The following PSMB7 variants were observed in gnomAD, a reference collection of about 807,000 sequenced individuals.
PSMB7 encodes the protein proteasome subunit beta type-7.
Under a neutral mutation model 28.1 loss-of-function variants are expected in PSMB7, and 5 were observed. The ratio of observed to expected loss-of-function variants is 0.18; its 90% CI spans 0.09 to 0.37. The LOEUF is 0.37. PSMB7 is among the 10% of genes least tolerant of loss of function. PSMB7 has a pLI of 1.00. For missense variants in PSMB7, 275 were observed against 346.2 expected, an observed-to-expected ratio of 0.79 and a Z score of 1.63; for synonymous variants, 122 against 123.7, an observed-to-expected ratio of 0.99 and a Z score of 0.09.
chr9:124,382,735 G>A (rs533033665), intron 6 of PSMB7, among the ~76,000 whole-genome samples: 26 of 152,256 alleles, frequency 1.7e-4, no homozygotes, highest in Non-Finnish European at 2.2e-4. Flanking sequence ...CAATTTTATC[G>A]AAAGGATGCT....
chr9:124,374,920 C>G (rs2131153538), intron 6 of PSMB7, among the ~76,000 whole-genome samples: 1 of 152,206 alleles, frequency 6.6e-6, no homozygotes, highest in Admixed American at 6.5e-5. Flanking sequence ...GGCGGCAGAT[C>G]ACCTGAAGTC....
intron 5 of PSMB7, among the ~76,000 whole-genome samples, chr9:124,394,644 G>A (rs1830823504): frequency 6.6e-6 from 1 of 152,154 alleles, no homozygotes; most frequent in African/African-American, 2.4e-5. Context: ...TATAAAAGGT[G>A]TTTAATATTT....
intron 6 of PSMB7, among the ~76,000 whole-genome samples, chr9:124,381,422 T>C (rs1830663283): frequency 6.6e-6 from 1 of 152,246 alleles, no homozygotes; most frequent in Non-Finnish European, 1.5e-5. Context: ...AAAGCAATTC[T>C]CTGTGAGTGA....
chr9:124,378,541 T>G (rs1367662330), intron 6 of PSMB7, among the ~76,000 whole-genome samples: 1 of 152,194 alleles, frequency 6.6e-6, no homozygotes, highest in East Asian at 1.9e-4. Flanking sequence ...CGCACACCAC[T>G]ACCCTTCAGC....
chr9:124,404,526 T>C (rs975774658), intron 5 of PSMB7, among the ~76,000 whole-genome samples: 32 of 152,234 alleles, frequency 2.1e-4, no homozygotes, highest in African/African-American at 6.5e-4. Context: ...CAATTCAGCA[T>C]CCCTAATCCA....
At chr9:124,373,253 A>G (rs964116164) in intron 6 of PSMB7, among the ~76,000 whole-genome samples, 4 of 152,238 alleles carry the variant, frequency 2.6e-5, no homozygotes, top group African/African-American at 9.6e-5. Context: ...GGTTAATAGC[A>G]CTATTAGAAA....
chr9:124,413,051 C>T (rs1311098835), intron 3 of PSMB7, among the ~76,000 whole-genome samples: 1 of 147,802 alleles, frequency 6.8e-6, no homozygotes, highest in African/African-American at 2.5e-5. Flanking sequence ...CATGATGGCT[C>T]ATGCCTGTAA....
At chr9:124,363,357 G>A (rs1830479854) in intron 6 of PSMB7, among the ~76,000 whole-genome samples, 1 of 152,190 alleles carries the variant, frequency 6.6e-6, no homozygotes, top group East Asian at 1.9e-4. Context: ...ATTAATGGTT[G>A]ATGGTTGAAT....
At chr9:124,409,863 A>G (rs1262155627) in intron 4 of PSMB7, among the ~76,000 whole-genome samples, 1 of 152,232 alleles carries the variant, frequency 6.6e-6, no homozygotes, top group Non-Finnish European at 1.5e-5. Flanking sequence ...CATTTTATGT[A>G]ACTCACCAAA....
chr9:124,414,859 C>T lies in PSMB7; in HGVS notation c.139G>A (p.Ala47Thr). The T allele has an allele frequency of 1.2e-6, 2 of 1,614,062 alleles. No homozygotes were observed. The highest frequency in any genetic ancestry group is 1.7e-6 in the Non-Finnish European group (2 of 1,179,964). Residue 47 changes from alanine (A) to threonine (T), a missense_variant, in exon 2 of 8, where the codon GCT (alanine) becomes ACT (threonine). Ala to Thr is a moderately conservative substitution (Grantham distance 58, BLOSUM62 0). This residue lies in a region of PSMB7 where 213 missense variants were observed against 302.4 expected (regional missense o/e 0.70). Coordinates refer to ENST00000259457, the MANE Select transcript of PSMB7 (RefSeq NM_002799.4). ...CGGCTTACCTTATAGACCACCCCAGCGATGGTCGTGCCAGTTTTCCGGACC... is the reference window on the plus strand; with the variant it reads ...CGGCTTACCTTATAGACCACCCCAGTGATGGTCGTGCCAGTTTTCCGGACC... ...PKVRKTGTTIAGVVYKDGIVL... is the reference protein window; with the variant it reads ...PKVRKTGTTITGVVYKDGIVL...
rs562247540 is a variant in PSMB7, at chr9:124,369,502, G to A, written c.571-12587C>T. Among the ~76,000 whole-genome samples the A allele has an allele frequency of 3.3e-5, 5 of 152,284 alleles. No homozygotes were observed. The South Asian group carries it at 8.3e-4, about 25-fold the overall frequency. ...GCAACACAAGCACCTCTAATGGAAC[G>A]TGGCAGCTTTCTAAACTAAATATTC... On this transcript the variant is annotated intron_variant, in intron 6 of 7. Coordinates refer to ENST00000259457, the MANE Select transcript of PSMB7 (RefSeq NM_002799.4).
chr9:124,387,512 C>CTT (rs112073446), intron 5 of PSMB7, among the ~76,000 whole-genome samples: 6,565 of 152,104 alleles, frequency 0.043, 478 homozygotes, highest in African/African-American at 0.15. Flanking sequence ...CTCTCTCTCT[C>CTT]GAGAAATTTT....
At chr9:124,385,215 T>C (rs1830707102) in intron 5 of PSMB7, among the ~76,000 whole-genome samples, 2 of 152,264 alleles carry the variant, frequency 1.3e-5, no homozygotes. Context: ...AAACACTTTA[T>C]TATGTGGCAT....
chr9:124,404,064 A>G (rs1755705045), intron 5 of PSMB7, among the ~76,000 whole-genome samples: 1 of 151,662 alleles, frequency 6.6e-6, no homozygotes, highest in Admixed American at 6.6e-5. Flanking sequence ...GCTTATATAT[A>G]TATGTGGCAC....
rs1489658271 is a variant in PSMB7 at position 124,356,108 on chromosome 9, G to A, written c.722+656C>T. ...CAGAAGAGGTCAGGAGCCACAGGAT[G>A]GTCAAGCAGCCGGACAATCACGAGA... On this transcript the variant is annotated intron_variant, in intron 7 of 7. Transcript: ENST00000259457. The surrounding 1 kb of genome is among the most constrained non-coding windows in gnomAD (Gnocchi z 4.4). Among the ~76,000 whole-genome samples the A allele has an allele frequency of 5.9e-5, 9 of 152,104 alleles. No homozygotes were observed. Among genetic ancestry groups the A allele is most frequent in the Non-Finnish European group, 1.2e-4 (8 of 68,024 alleles).
rs1831073796 is a variant in PSMB7 at position 124,415,150 on chromosome 9, C to T, written c.62+214G>A. The T allele has an allele frequency of 1.3e-5, 8 of 637,436 alleles. No homozygotes were observed. In the South Asian group the frequency reaches 1.4e-4, roughly 11 times the overall value. 39.5% of individuals were successfully genotyped at this position (637,436 alleles called of 1,614,324 possible). On this transcript the variant is annotated intron_variant, in intron 1 of 7. Transcript: ENST00000259457. ...ACGTGCCTTAGGAGACGGAGATAAA[C>T]GGTGGCCGAGTGCGCTGGGAAGGTG...
At chr9:124,371,685 C>T (rs997617199) in intron 6 of PSMB7, among the ~76,000 whole-genome samples, 7 of 152,306 alleles carry the variant, frequency 4.6e-5, no homozygotes, top group Non-Finnish European at 8.8e-5. Flanking sequence ...TTAGCAAAGG[C>T]AATTCAATTT....
At chr9:124,396,313 A>G (rs1379808030) in intron 5 of PSMB7, among the ~76,000 whole-genome samples, 1 of 75,896 alleles carries the variant, frequency 1.3e-5, no homozygotes, top group Non-Finnish European at 4.4e-5. Context: ...AAAAATACAG[A>G]AAAGGTTGTA....
At chr9:124,415,282 C>A in intron 1 of PSMB7, 82 bp downstream of exon 1, 2 of 1,413,020 alleles carry the variant, frequency 1.4e-6, no homozygotes, top group Admixed American at 1.8e-5. Flanking sequence ...CCTCAGAATT[C>A]TCGTATCACA....
Sources: allele counts gnomAD v4.1 joint callset (sites outside exome capture counted in the v4.1 genomes callset), GRCh38; gene constraint gnomAD v4.1.1; regional missense constraint gnomAD v4.1.1; non-coding constraint Gnocchi (gnomAD v3.1); transcripts MANE v1.5; gene names NCBI Gene and HGNC (gene_info 2026-07-23, HGNC 2026-07-21).